Variants in GOSR1 observed in about 807,000 individuals in gnomAD.
The protein encoded by GOSR1 is golgi SNAP receptor complex member 1.
In GOSR1, 21 loss-of-function variants were observed where a neutral mutation model predicts 35.5. The ratio of observed to expected loss-of-function variants is 0.59; its 90% CI spans 0.42 to 0.85. The LOEUF (loss-of-function observed/expected upper bound fraction) is 0.85, where lower values mean the gene tolerates loss of function less well. Among genes scored for constraint, GOSR1 ranks in the 40% least tolerant of loss-of-function variants. The pLI is 0.00. For missense variants in GOSR1, 285 were observed against 309.6 expected, an observed-to-expected ratio of 0.92 and a Z score of 0.60; for synonymous variants, 94 against 106.6, an observed-to-expected ratio of 0.88 and a Z score of 0.73.
At chr17:30,492,775 AT>A in intron 6 of GOSR1, 22 bp downstream of exon 6, 1 of 1,384,074 alleles carries the variant, frequency 7.2e-7, no homozygotes, top group Non-Finnish European at 1.0e-6. Flanking sequence ...ATGTATGTGC[AT>A]TATGTGGTTT....
intron 6 of GOSR1, chr17:30,495,416 C>T: frequency 2.2e-6 from 1 of 455,714 alleles, no homozygotes; most frequent in Non-Finnish European, 4.4e-6. Context: ...ATGAAGTTGA[C>T]AACTTTCAGA....
chr17:30,491,595 G>A (rs1004596136), intron 5 of GOSR1, among the ~76,000 whole-genome samples: 5 of 152,106 alleles, frequency 3.3e-5, no homozygotes, highest in Non-Finnish European at 7.4e-5. Context: ...GGATGTGGAG[G>A]TTGCAGTGAG....
intron 4 of GOSR1, among the ~76,000 whole-genome samples, chr17:30,486,163 C>T (rs1168107445): frequency 1.3e-5 from 2 of 151,992 alleles, no homozygotes; most frequent in African/African-American, 4.8e-5. Flanking sequence ...TACCCATGAT[C>T]GCTACAAATG....
chr17:30,517,164 T>C (rs1475400869), intron 7 of GOSR1, among the ~76,000 whole-genome samples: 2 of 152,234 alleles, frequency 1.3e-5, no homozygotes, highest in Non-Finnish European at 2.9e-5. Flanking sequence ...TCAGGTGGGA[T>C]TTTTCTAATG....
At chr17:30,503,417 A>G (rs1967286256) in intron 6 of GOSR1, among the ~76,000 whole-genome samples, 1 of 152,228 alleles carries the variant, frequency 6.6e-6, no homozygotes, top group African/African-American at 2.4e-5. Context: ...TCTTAATTAC[A>G]GGCTCTAGAT....
At chr17:30,477,562 C>T in intron 1 of GOSR1, 98 bp downstream of exon 1, 1 of 1,439,104 alleles carries the variant, frequency 6.9e-7, no homozygotes, top group South Asian at 1.4e-5. Flanking sequence ...AACCAGACTC[C>T]CGGAGCGGCC....
intron 6 of GOSR1, among the ~76,000 whole-genome samples, chr17:30,505,577 T>G (rs1468448978): frequency 6.6e-6 from 1 of 152,236 alleles, no homozygotes; most frequent in Non-Finnish European, 1.5e-5. Flanking sequence ...TTCGTGTCTC[T>G]GTGTTACATT....
At chr17:30,486,179 C>T (rs914080074) in intron 4 of GOSR1, among the ~76,000 whole-genome samples, 1 of 151,984 alleles carries the variant, frequency 6.6e-6, no homozygotes, top group Non-Finnish European at 1.5e-5. Context: ...AAATGTATAA[C>T]GTTGTTTTTT....
Position 30,512,504 on chromosome 17 carries a change from A to G in GOSR1, c.539+1595A>G, listed in dbSNP as rs543385179. ...ATATCTGTTTCTTTTGTATGGCTTCATGGATTCTTTATTCAGTGGATTGGA... is the reference window on the plus strand; with the variant it reads ...ATATCTGTTTCTTTTGTATGGCTTCGTGGATTCTTTATTCAGTGGATTGGA... On this transcript the variant is annotated intron_variant, in intron 7 of 8. Transcript: ENST00000451249. Among the ~76,000 whole-genome samples the G allele has an allele frequency of 5.9e-5, 9 of 152,282 alleles. 1 individual carries two copies. The South Asian group carries it at 1.9e-3, about 32-fold the overall frequency.
Position 30,492,642 on chromosome 17 carries a change from T to C in GOSR1, c.435-37T>C, listed in dbSNP as rs753248864. 25 of 1,229,494 alleles carry C rather than the reference T, an allele frequency of 2.0e-5. No individual in the cohort carries two copies. In the East Asian group the frequency reaches 5.8e-4, roughly 29 times the overall value. The allele number at this position is 1,229,494 out of a possible 1,614,324, so 76.2% of individuals were successfully genotyped here. A position where few individuals can be genotyped will look rare whatever the true frequency, so the allele number is the denominator to read the frequency against. ...TCAGTCAATCTGATTTTGTATTCTC[T>C]GCCAAAAATGTTTTTAAATTTTCTC... On this transcript the variant is annotated intron_variant, in intron 5 of 8. Transcript: ENST00000451249.
intron 4 of GOSR1, among the ~76,000 whole-genome samples, chr17:30,486,040 AG>A (rs1292716980): frequency 2.0e-5 from 3 of 150,788 alleles, no homozygotes; most frequent in African/African-American, 2.4e-5. Context: ...AAAAAAAAAA[AG>A]TAGGAATAGA....
intron 6 of GOSR1, among the ~76,000 whole-genome samples, chr17:30,498,712 G>A (rs1967090651): frequency 6.6e-6 from 1 of 152,030 alleles, no homozygotes; most frequent in Non-Finnish European, 1.5e-5. Context: ...TTTACTCATA[G>A]TCCAAACCCT....
chr17:30,503,307 A>G (rs1967282986), intron 6 of GOSR1, among the ~76,000 whole-genome samples: 1 of 152,220 alleles, frequency 6.6e-6, no homozygotes, highest in Non-Finnish European at 1.5e-5. Flanking sequence ...AATTATTTAA[A>G]TATGGCTTTA....
intron 6 of GOSR1, 146 bp from the exon 7 acceptor site, chr17:30,510,734 T>G: frequency 1.9e-6 from 1 of 526,722 alleles, no homozygotes; most frequent in Non-Finnish European, 3.5e-6. Flanking sequence ...AAAATTAGAG[T>G]CCAGAATTTT....
chr17:30,513,987 A>G (rs907632325), intron 7 of GOSR1, among the ~76,000 whole-genome samples: 14 of 152,238 alleles, frequency 9.2e-5, no homozygotes, highest in Non-Finnish European at 1.8e-4. Flanking sequence ...ATGGGCCAGC[A>G]TAGGTTTGAA....
At chr17:30,491,298 T>TA (rs2143692319) in intron 5 of GOSR1, among the ~76,000 whole-genome samples, 1 of 152,308 alleles carries the variant, frequency 6.6e-6, no homozygotes, top group Non-Finnish European at 1.5e-5. Context: ...CCATAAAAGA[T>TA]ATGTTCATCT....
intron 6 of GOSR1, 48 bp from the exon 7 acceptor site, chr17:30,510,832 A>C: frequency 2.0e-6 from 2 of 989,106 alleles, no homozygotes; most frequent in South Asian, 2.7e-5. Context: ...CAGGTTTTAC[A>C]TGTGCATTTA....
At chr17:30,477,877 C>T (rs1178012731) in intron 1 of GOSR1, 1 of 984,994 alleles carries the variant, frequency 1.0e-6, no homozygotes, top group Non-Finnish European at 1.2e-6. Flanking sequence ...GCTGAGGTCA[C>T]TATTGGAAAA....
At chr17:30,480,660 A>G (rs1914273288) in intron 1 of GOSR1, among the ~76,000 whole-genome samples, 1 of 151,322 alleles carries the variant, frequency 6.6e-6, no homozygotes, top group Non-Finnish European at 1.5e-5. Context: ...TGAAGTTTAT[A>G]AGTGACTAAT....
Sources: allele counts gnomAD v4.1 joint callset (sites outside exome capture counted in the v4.1 genomes callset), GRCh38; gene constraint gnomAD v4.1.1; transcripts MANE v1.5; gene names NCBI Gene and HGNC (gene_info 2026-07-23, HGNC 2026-07-21).